Variants in SPNS2 observed in about 807,000 individuals in gnomAD.
The protein encoded by SPNS2 is sphingosine-1-phosphate transporter SPNS2.
A neutral mutation model predicts 57.6 loss-of-function variants in SPNS2; 37 were observed. The ratio of observed to expected loss-of-function variants is 0.64; its 90% CI spans 0.49 to 0.85. The LOEUF is 0.85. SPNS2 is among the 40% of genes least tolerant of loss of function. SPNS2 has a pLI of 0.00. For synonymous variants in SPNS2, 440 were observed against 346.9 expected (o/e 1.27, Z -2.98); for missense variants, 831 against 779.1 (o/e 1.07, Z -0.79).
In SPNS2 at chr17:4,536,457, A is replaced by C. The variant is rs1034594919; in HGVS notation, c.1607+31A>C. ...TGGGGGGGAGGGGAGGCCCTGCTGCACCGCCGGGAAGCAGGGACCGTGATA... is the reference window on the plus strand; with the variant it reads ...TGGGGGGGAGGGGAGGCCCTGCTGCCCCGCCGGGAAGCAGGGACCGTGATA... On this transcript the variant is annotated intron_variant, in intron 11 of 12. Coordinates refer to ENST00000329078, the MANE Select transcript of SPNS2 (RefSeq NM_001124758.3). 5 of 1,576,322 alleles carry C rather than the reference A, an allele frequency of 3.2e-6. No homozygotes were observed. The African/African-American group carries it at 4.0e-5, about 13-fold the overall frequency.
chr17:4,534,930 C>G (rs964299722), intron 9 of SPNS2, among the ~76,000 whole-genome samples: 1 of 152,144 alleles, frequency 6.6e-6, no homozygotes. Context: ...GGGGAAATCG[C>G]GTCCCGGTTT....
chr17:4,532,447 G>A (rs1905529045), intron 5 of SPNS2, 95 bp from the exon 6 acceptor site: 1 of 1,559,524 alleles, frequency 6.4e-7, no homozygotes, highest in Non-Finnish European at 8.8e-7. Flanking sequence ...GAAGCCTATG[G>A]CCCAGAGAAG....
At chr17:4,506,386 C>T (rs1420771850) in intron 1 of SPNS2, among the ~76,000 whole-genome samples, 2 of 152,192 alleles carry the variant, frequency 1.3e-5, no homozygotes, top group African/African-American at 4.8e-5. Context: ...GGCCACACCC[C>T]CTGTGGGTCA....
chr17:4,536,531 C>A (rs913154101), intron 11 of SPNS2, 105 bp downstream of exon 11: 2 of 1,358,432 alleles, frequency 1.5e-6, no homozygotes, highest in African/African-American at 2.9e-5. Context: ...TACAGACCTC[C>A]CATGCACTCA....
chr17:4,518,733 C>T (rs969026909), intron 2 of SPNS2, among the ~76,000 whole-genome samples: 1 of 152,162 alleles, frequency 6.6e-6, no homozygotes, highest in African/African-American at 2.4e-5. Flanking sequence ...CAGACAGTGC[C>T]TCTGTTTTGG....
rs1366319666 is a variant in SPNS2, at chr17:4,529,299, C to G, written c.574-1333C>G. On this transcript the variant is annotated intron_variant, in intron 3 of 12. Coordinates refer to ENST00000329078, the MANE Select transcript of SPNS2 (RefSeq NM_001124758.3). ...CTCACTATGTTACCCAGGCTGGTCT[C>G]GAACTCCTGGCCTCAAGCAATCCTC... Among the ~76,000 whole-genome samples the G allele has an allele frequency of 2.6e-5, 4 of 152,008 alleles. No homozygotes were observed. The East Asian group carries it at 7.8e-4, about 30-fold the overall frequency.
chr17:4,500,795 T>C (rs953657507), intron 1 of SPNS2, among the ~76,000 whole-genome samples: 1 of 151,968 alleles, frequency 6.6e-6, no homozygotes, highest in African/African-American at 2.4e-5. Context: ...GGCAGAGGCT[T>C]CCCCCTCCCC....
At chr17:4,535,420 G>A (rs1233622544) in intron 9 of SPNS2, among the ~76,000 whole-genome samples, 3 of 152,196 alleles carry the variant, frequency 2.0e-5, no homozygotes, top group African/African-American at 2.4e-5. Context: ...TTGATGGGAG[G>A]TGAGGACAAA....
chr17:4,525,528 AT>A (rs1208955721), intron 3 of SPNS2, among the ~76,000 whole-genome samples: 1 of 152,170 alleles, frequency 6.6e-6, no homozygotes, highest in Non-Finnish European at 1.5e-5. Flanking sequence ...CTCTGCCATT[AT>A]CTGGCTGTGT....
At chr17:4,503,551 G>A (rs532242126) in intron 1 of SPNS2, among the ~76,000 whole-genome samples, 1 of 152,360 alleles carries the variant, frequency 6.6e-6, no homozygotes, top group South Asian at 2.1e-4. Flanking sequence ...CAGAGCTGAG[G>A]GTGTAGGTGG....
At chr17:4,515,376 C>T (rs1240580609) in intron 2 of SPNS2, among the ~76,000 whole-genome samples, 1 of 152,194 alleles carries the variant, frequency 6.6e-6, no homozygotes, top group Non-Finnish European at 1.5e-5. Context: ...AGCAGCCGGC[C>T]TGGAATAGGG....
At chr17:4,524,357 G>A (rs1365067204) in intron 2 of SPNS2, among the ~76,000 whole-genome samples, 1 of 152,174 alleles carries the variant, frequency 6.6e-6, no homozygotes, top group Non-Finnish European at 1.5e-5. Flanking sequence ...GGAGGGGGCT[G>A]GAAAGATACG....
chr17:4,515,768 C>A (rs568091199), intron 2 of SPNS2, among the ~76,000 whole-genome samples: 1 of 150,248 alleles, frequency 6.7e-6, no homozygotes, highest in Non-Finnish European at 1.5e-5. Flanking sequence ...AGGGCCAGGG[C>A]TGAGAGCTGG....
At position 4,536,272 on chromosome 17, in the gene SPNS2, C is replaced by G. The variant is rs1390548236; in HGVS notation, c.1453C>G (p.Leu485Val). The G allele has an allele frequency of 6.2e-6, 10 of 1,612,168 alleles. No homozygotes were observed. In the African/African-American group the frequency reaches 6.7e-5, roughly 11 times the overall value. ...SPYLIGFISDLIRQSTKDSPL... is the reference protein window; with the variant it reads ...SPYLIGFISDVIRQSTKDSPL... ...CCCCAAATCCTCGCAGATCTCAGAC[C>G]TGATCCGCCAGAGCACTAAGGACTC... Residue 485 changes from leucine to valine, a missense_variant, in exon 11 of 13, where the codon CTG becomes GTG. This residue lies in a region of SPNS2 where 526 missense variants were observed against 400.9 expected (regional missense o/e 1.31). Coordinates refer to ENST00000329078, the MANE Select transcript of SPNS2 (RefSeq NM_001124758.3).
chr17:4,523,125 C>A (rs1905179698), intron 2 of SPNS2, among the ~76,000 whole-genome samples: 1 of 152,238 alleles, frequency 6.6e-6, no homozygotes, highest in Middle Eastern at 3.2e-3. Flanking sequence ...GGCTGAAATA[C>A]CCACTTTGAC....
chr17:4,525,021 A>G, intron 2 of SPNS2, 36 bp from the exon 3 acceptor site: 1 of 1,606,402 alleles, frequency 6.2e-7, no homozygotes, highest in Non-Finnish European at 8.5e-7. Context: ...GGGCGCAGGG[A>G]CCTGGGCCCC....
chr17:4,536,995 G>A (rs1336961252), intron 12 of SPNS2, 49 bp downstream of exon 12: 3 of 1,602,366 alleles, frequency 1.9e-6, no homozygotes, highest in African/African-American at 2.7e-5. Context: ...GAAAGGGGAA[G>A]GCCAGGGTTA....
In SPNS2 at chr17:4,537,823, G is replaced by A; in HGVS notation, c.*375G>A. On this transcript the variant is annotated 3_prime_UTR_variant, in exon 13 of 13. Transcript: ENST00000329078. ...CCTGGAACGAAGGGCCAGGGGGCTG[G>A]ACTTTCCCACACAACTTGCTGGGCA... 2.2e-6 allele frequency: 1 copy of A among 455,224 alleles called. No homozygotes were observed. Among genetic ancestry groups the A allele is most frequent in the African/African-American group, 2.0e-5 (1 of 50,180 alleles). 28.2% of individuals were successfully genotyped at this position (455,224 alleles called of 1,614,324 possible). A position where few individuals can be genotyped will look rare whatever the true frequency, so the allele number is the denominator to read the frequency against.
intron 2 of SPNS2, among the ~76,000 whole-genome samples, chr17:4,519,203 G>A (rs1331880088): frequency 1.3e-5 from 2 of 152,236 alleles, no homozygotes; most frequent in Admixed American, 1.3e-4. Flanking sequence ...AGCCCAGGCC[G>A]AAGCAAGGGC....
Sources: gnomAD v4.1 joint callset for allele counts (sites outside exome capture counted in the v4.1 genomes callset) on GRCh38, gnomAD v4.1.1 for gene constraint, gnomAD v4.1.1 regional missense constraint, MANE v1.5 for transcripts, NCBI Gene and HGNC (gene_info 2026-07-23, HGNC 2026-07-21) for gene names.